Variants in TRAPPC3L observed in about 807,000 individuals in gnomAD.
The protein encoded by TRAPPC3L is trafficking protein particle complex subunit 3L.
A neutral mutation model predicts 23.7 loss-of-function variants in TRAPPC3L; 23 were observed. The observed-to-expected ratio is 0.97, with a 90% CI of 0.70 to 1.37. TRAPPC3L has a LOEUF of 1.37. TRAPPC3L is among the 40% of genes most tolerant of loss of function. The pLI is 0.00. For synonymous variants in TRAPPC3L, 81 were observed against 77.9 expected, an observed-to-expected ratio of 1.04 and a Z score of -0.21; for missense variants, 212 against 216.8, an observed-to-expected ratio of 0.98 and a Z score of 0.14.
intron 1 of TRAPPC3L, chr6:116,543,735 T>C: frequency 1.6e-6 from 2 of 1,227,858 alleles, no homozygotes; most frequent in African/African-American, 1.5e-5. Context: ...ATTTCTGTTT[T>C]TCTAAAATAT....
chr6:116,504,100 T>C lies in TRAPPC3L; in HGVS notation c.241-3434A>G, dbSNP rs185401298. 3.2e-3 allele frequency among the ~76,000 whole-genome samples: 491 copies of C among 152,236 alleles called. 12 individuals are homozygous for C. The highest frequency in any genetic ancestry group is 0.022 in the Admixed American group (344 of 15,302). On this transcript the variant is annotated intron_variant, in intron 3 of 4. Transcript: ENST00000368602. Reference sequence around the variant, plus strand: ...ATCAATGAATCCAGGAGCTGTTTTTTTGAAAAGATCAACAAAATAGATCTA... The same window carrying C: ...ATCAATGAATCCAGGAGCTGTTTTTCTGAAAAGATCAACAAAATAGATCTA...
At chr6:116,504,475 C>T (rs1035870096) in intron 3 of TRAPPC3L, among the ~76,000 whole-genome samples, 2 of 152,174 alleles carry the variant, frequency 1.3e-5, no homozygotes, top group African/African-American at 4.8e-5. Flanking sequence ...TGGTATTATT[C>T]CTTCTGAAAC....
At chr6:116,521,853 A>G (rs1212608636) in intron 3 of TRAPPC3L, 2 of 152,196 alleles carry the variant, frequency 1.3e-5, no homozygotes, top group Non-Finnish European at 2.9e-5. Flanking sequence ...CCAATAAAAT[A>G]TGGCAGACAT....
At chr6:116,513,505 T>G (rs1304061401) in intron 3 of TRAPPC3L, among the ~76,000 whole-genome samples, 1 of 152,192 alleles carries the variant, frequency 6.6e-6, no homozygotes, top group African/African-American at 2.4e-5. Context: ...TTGTGTGAGC[T>G]TCTCCTCTCT....
chr6:116,513,495 T>C (rs1019095447), intron 3 of TRAPPC3L, among the ~76,000 whole-genome samples: 2 of 152,158 alleles, frequency 1.3e-5, no homozygotes, highest in African/African-American at 4.8e-5. Flanking sequence ...ACACTTATCA[T>C]TGTGTGAGCT....
In TRAPPC3L at chr6:116,500,501, T is replaced by C; in HGVS notation, c.406A>G (p.Ile136Val). 5 of 1,550,622 alleles carry C rather than the reference T, an allele frequency of 3.2e-6. No individual in the cohort carries two copies. The highest frequency in any genetic ancestry group is 4.4e-6 in the Non-Finnish European group (5 of 1,146,474). The change falls in exon 4 of 5, where the codon ATC becomes GTC. Residue 136 changes from isoleucine (I) to valine (V), a missense_variant. Ile to Val is a conservative substitution (Grantham distance 29). Coordinates refer to ENST00000368602, the MANE Select transcript of TRAPPC3L (RefSeq NM_001139444.3). ...TTTACCATTTCCAAGGCACCTCTGATAATCCCACAGAGCAAGTTGCAGTAG... is the reference window on the plus strand; with the variant it reads ...TTTACCATTTCCAAGGCACCTCTGACAATCCCACAGAGCAAGTTGCAGTAG... ...LCYCNLLCGI[I>V]RGALEMVHLA... is the part of the protein sequence containing the mutation.
chr6:116,533,650 C>G (rs1175987826), intron 3 of TRAPPC3L, among the ~76,000 whole-genome samples: 1 of 152,252 alleles, frequency 6.6e-6, no homozygotes, highest in Non-Finnish European at 1.5e-5. Flanking sequence ...AGCTTAAAAC[C>G]TGCTGTTCAA....
chr6:116,534,144 A>C (rs1342767543), intron 3 of TRAPPC3L, among the ~76,000 whole-genome samples: 1 of 152,012 alleles, frequency 6.6e-6, no homozygotes, highest in African/African-American at 2.4e-5. Flanking sequence ...CTAATCCCCT[A>C]TAAATAGCTA....
At chr6:116,532,203 A>C (rs564888603) in intron 3 of TRAPPC3L, among the ~76,000 whole-genome samples, 2 of 152,336 alleles carry the variant, frequency 1.3e-5, no homozygotes, top group African/African-American at 4.8e-5. Flanking sequence ...TTCTGGACAG[A>C]CTAGGAGGAG....
intron 3 of TRAPPC3L, chr6:116,512,430 G>A: frequency 1.7e-6 from 1 of 582,076 alleles, no homozygotes; most frequent in Non-Finnish European, 2.9e-6. Flanking sequence ...GTTGCTGACT[G>A]GATTATCTCT....
intron 4 of TRAPPC3L, among the ~76,000 whole-genome samples, chr6:116,498,448 T>C (rs1771864818): frequency 6.6e-6 from 1 of 152,250 alleles, no homozygotes; most frequent in South Asian, 2.1e-4. Flanking sequence ...TTTCCCCTAA[T>C]TATCACAAAT....
At chr6:116,498,000 A>G (rs748390479) in intron 4 of TRAPPC3L, among the ~76,000 whole-genome samples, 3 of 152,224 alleles carry the variant, frequency 2.0e-5, no homozygotes, top group African/African-American at 2.4e-5. Flanking sequence ...CCGGCCTTGC[A>G]ATGCCTACCA....
At chr6:116,510,252 TA>T (rs1371587469) in intron 3 of TRAPPC3L, among the ~76,000 whole-genome samples, 1 of 152,102 alleles carries the variant, frequency 6.6e-6, no homozygotes, top group East Asian at 1.9e-4. Flanking sequence ...ACAACCTCTA[TA>T]AAAAACAGTA....
intron 3 of TRAPPC3L, chr6:116,512,345 A>G: frequency 1.6e-6 from 2 of 1,232,256 alleles, no homozygotes; most frequent in South Asian, 1.6e-5. Flanking sequence ...TTTGAAACTA[A>G]ATGGAAACTG....
intron 3 of TRAPPC3L, among the ~76,000 whole-genome samples, chr6:116,539,811 G>A (rs542890049): frequency 1.3e-5 from 2 of 152,230 alleles, no homozygotes; most frequent in East Asian, 1.9e-4. Context: ...ATTTTTAAAG[G>A]CTGGCTAAAG....
chr6:116,515,709 C>T (rs1562340347), intron 3 of TRAPPC3L: 1 of 1,613,992 alleles, frequency 6.2e-7, no homozygotes, highest in Non-Finnish European at 8.5e-7. Flanking sequence ...TTTTGGAAGA[C>T]ATATGCACAA....
chr6:116,524,794 T>C (rs976590333), intron 3 of TRAPPC3L: 4 of 152,224 alleles, frequency 2.6e-5, no homozygotes, highest in Non-Finnish European at 5.9e-5. Flanking sequence ...TTCAACTTAT[T>C]TTCCTTTCTG....
chr6:116,535,706 G>C (rs1168045903), intron 3 of TRAPPC3L, among the ~76,000 whole-genome samples: 1 of 152,100 alleles, frequency 6.6e-6, no homozygotes, highest in African/African-American at 2.4e-5. Flanking sequence ...ATCAGCTATG[G>C]TAATTCTACT....
intron 3 of TRAPPC3L, chr6:116,521,601 G>A (rs770116957): frequency 2.0e-5 from 3 of 151,976 alleles, no homozygotes; most frequent in Non-Finnish European, 4.4e-5. Context: ...TATGGTGCCT[G>A]CCCAGGTTAG....
Sources: allele counts gnomAD v4.1 joint callset (sites outside exome capture counted in the v4.1 genomes callset), GRCh38; gene constraint gnomAD v4.1.1; transcripts MANE v1.5; gene names NCBI Gene and HGNC (gene_info 2026-07-23, HGNC 2026-07-21).